SIL1: variants seen among roughly 807,000 people sequenced by gnomAD.
The protein encoded by SIL1 is SIL1 nucleotide exchange factor, also known as nucleotide exchange factor SIL1.
Under a neutral mutation model 49.1 loss-of-function variants are expected in SIL1, and 40 were observed. The observed-to-expected ratio is 0.81, with a 90% CI of 0.63 to 1.06. The LOEUF (loss-of-function observed/expected upper bound fraction) is 1.06. SIL1 is among the 50% of genes least tolerant of loss of function. The probability of loss-of-function intolerance (pLI) is 0.00; values close to 1 mark genes in which losing one functional copy is unlikely to be tolerated. For missense variants in SIL1, 500 were observed against 572.6 expected (o/e 0.87, Z 1.29); for synonymous variants, 253 against 250.8 (o/e 1.01, Z -0.08).
chr5:138,986,497 G>C (rs1767651987), intron 7 of SIL1, among the ~76,000 whole-genome samples: 1 of 152,178 alleles, frequency 6.6e-6, no homozygotes, highest in African/African-American at 2.4e-5. Context: ...GGAACCGTCT[G>C]GTGCATACAT....
chr5:139,026,186 T>A (rs1322177399), intron 6 of SIL1, among the ~76,000 whole-genome samples: 1 of 152,232 alleles, frequency 6.6e-6, no homozygotes, highest in African/African-American at 2.4e-5. Context: ...AATTAATTTG[T>A]TCAATTGTTC....
intron 7 of SIL1, among the ~76,000 whole-genome samples, chr5:138,972,459 T>C (rs769758849): frequency 1.3e-5 from 2 of 152,196 alleles, no homozygotes; most frequent in Non-Finnish European, 2.9e-5. Flanking sequence ...TTCCCATGGG[T>C]GAACCCTCTG....
chr5:138,969,400 T>C (rs1767223588), intron 7 of SIL1, among the ~76,000 whole-genome samples: 1 of 152,250 alleles, frequency 6.6e-6, no homozygotes, highest in South Asian at 2.1e-4. Flanking sequence ...AACTGTAGGC[T>C]AGAGCTCCTG....
intron 2 of SIL1, among the ~76,000 whole-genome samples, chr5:139,125,815 T>C (rs1209765193): frequency 6.6e-6 from 1 of 152,200 alleles, no homozygotes; most frequent in Non-Finnish European, 1.5e-5. Flanking sequence ...TACCACCTTT[T>C]TCAAGGCCAG....
chr5:139,077,496 C>T (rs533269659), intron 3 of SIL1, among the ~76,000 whole-genome samples: 2 of 152,286 alleles, frequency 1.3e-5, no homozygotes, highest in South Asian at 2.1e-4. Context: ...TGTTGTTTTA[C>T]GGACTGTGAT....
intron 1 of SIL1, among the ~76,000 whole-genome samples, chr5:139,137,796 T>C (rs1751005156): frequency 6.6e-6 from 1 of 151,496 alleles, no homozygotes; most frequent in Non-Finnish European, 1.5e-5. Context: ...TAGCCATATG[T>C]AGAAAGGACA....
At chr5:139,108,917 A>AG (rs1770784498) in intron 3 of SIL1, among the ~76,000 whole-genome samples, 2 of 151,954 alleles carry the variant, frequency 1.3e-5, no homozygotes, top group Admixed American at 1.3e-4. Flanking sequence ...AAAAAAAAAA[A>AG]AGAGTATTGT....
intron 1 of SIL1, among the ~76,000 whole-genome samples, chr5:139,163,728 C>T (rs1751562217): frequency 1.3e-5 from 2 of 152,170 alleles, no homozygotes; most frequent in Admixed American, 6.5e-5. Flanking sequence ...GGGCACTGTA[C>T]TAAATGTATT....
At chr5:139,154,729 T>C (rs1250904407) in intron 1 of SIL1, among the ~76,000 whole-genome samples, 7 of 152,198 alleles carry the variant, frequency 4.6e-5, no homozygotes, top group Non-Finnish European at 1.0e-4. Context: ...GCTAAGGAGA[T>C]GCTGACACAG....
chr5:139,137,407 T>C, intron 1 of SIL1: 1 of 701,236 alleles, frequency 1.4e-6, no homozygotes, highest in South Asian at 1.5e-5. Flanking sequence ...GCTCTTTCCA[T>C]AGCCGTGCTG....
intron 1 of SIL1, among the ~76,000 whole-genome samples, chr5:139,140,087 C>T (rs1436709786): frequency 2.0e-5 from 3 of 151,996 alleles, no homozygotes; most frequent in African/African-American, 4.8e-5. Context: ...CTGGCCAACA[C>T]GGTGAAACCC....
At chr5:139,155,448 T>TGAGAGAGTGAGAGAGAGAGAGA (rs1554136155) in intron 1 of SIL1, 2 of 125,992 alleles carry the variant, frequency 1.6e-5, no homozygotes, top group African/African-American at 5.4e-5. Flanking sequence ...GTACACAGAG[T>TGAGAGAGTGAGAGAGAGAGAGA]GAGAGAGAGA....
intron 5 of SIL1, 97 bp from the exon 6 acceptor site, chr5:139,027,089 C>G (rs1768675361): frequency 9.1e-7 from 1 of 1,099,214 alleles, no homozygotes; most frequent in Non-Finnish European, 1.4e-6. Flanking sequence ...AAAACTGCTG[C>G]TCCAAGACTC....
At chr5:139,032,380 T>C (rs929108196) in intron 5 of SIL1, among the ~76,000 whole-genome samples, 3 of 152,246 alleles carry the variant, frequency 2.0e-5, no homozygotes, top group African/African-American at 7.2e-5. Context: ...TTATTTTTTG[T>C]ACACTGAACC....
At chr5:139,057,307 T>G (rs1373151945) in intron 3 of SIL1, among the ~76,000 whole-genome samples, 2 of 57,082 alleles carry the variant, frequency 3.5e-5, no homozygotes, top group Non-Finnish European at 3.4e-5. Context: ...CACCCAAGAA[T>G]GATCAATAAA....
chr5:139,004,491 T>A (rs1455100812), intron 7 of SIL1, among the ~76,000 whole-genome samples: 1 of 152,224 alleles, frequency 6.6e-6, no homozygotes, highest in African/African-American at 2.4e-5. Flanking sequence ...CTTCTGAAAC[T>A]CATGTGAGAC....
At chr5:139,092,657 G>C (rs1434908387) in intron 3 of SIL1, among the ~76,000 whole-genome samples, 2 of 152,132 alleles carry the variant, frequency 1.3e-5, no homozygotes, top group Non-Finnish European at 2.9e-5. Flanking sequence ...TACATCTTTG[G>C]GCTCAAGACA....
chr5:139,179,640 G>A (rs1444268879), intron 1 of SIL1, among the ~76,000 whole-genome samples: 1 of 152,118 alleles, frequency 6.6e-6, no homozygotes, highest in African/African-American at 2.4e-5. Context: ...ATAGTGACAG[G>A]TACTTTATAG....
intron 1 of SIL1, among the ~76,000 whole-genome samples, chr5:139,160,181 A>ACACT (rs1751484474): frequency 7.4e-6 from 1 of 135,392 alleles, no homozygotes; most frequent in African/African-American, 2.5e-5. Context: ...ACACACACAC[A>ACACT]CACACAAAAG....
Sources: allele counts gnomAD v4.1 joint callset (sites outside exome capture counted in the v4.1 genomes callset), GRCh38; gene constraint gnomAD v4.1.1; transcripts MANE v1.5; gene names NCBI Gene and HGNC (gene_info 2026-07-23, HGNC 2026-07-21).